Variants in CLEC20A observed in about 807,000 individuals in gnomAD.
CLEC20A encodes C-type lectin domain containing 20A.
At chr1:178,486,981 C>G (rs1360230507) in intron 5 of CLEC20A, 13 of 395,570 alleles carry the variant, frequency 3.3e-5, no homozygotes, top group Admixed American at 1.8e-4. Context: ...CGCGGGGCTC[C>G]GGGCTGCCCC....
At chr1:178,498,082 C>T (rs534945953), upstream of CLEC20A, among the ~76,000 whole-genome samples, 1 of 152,198 alleles carries the variant, frequency 6.6e-6, no homozygotes, top group Admixed American at 6.5e-5. Flanking sequence ...TTCACTGGCT[C>T]ACAGGGGAGA....
rs532812212 is a variant in CLEC20A at position 178,486,961 on chromosome 1, A to G, written c.928+1540T>C. ...GGAAGCGCGCGAGTAGGAGGTGCGG[A>G]GGTCGGGCTCGCGGGGCTCCGGGCT... is the stretch of plus-strand genomic sequence containing the variant. On this transcript the variant is annotated intron_variant, in intron 5 of 7. Coordinates refer to ENST00000623247, the Ensembl canonical transcript of CLEC20A. 1,085 of 396,564 alleles carry G rather than the reference A, an allele frequency of 2.7e-3. 6 individuals carry two copies. Among genetic ancestry groups the G allele is most frequent in the South Asian group, 0.011 (78 of 7,072 alleles). The allele number at this position is 396,564 out of a possible 1,614,324, so 24.6% of individuals were successfully genotyped here.
At chr1:178,494,621 G>A (rs1649342611) in exon 2 of CLEC20A, 2 of 399,332 alleles carry the variant, frequency 5.0e-6, no homozygotes, top group East Asian at 3.6e-5. Context: ...CAGGCCAGAA[G>A]TGCTTGCGTC....
chr1:178,495,145 A>C (rs1649356488), intron 1 of CLEC20A, among the ~76,000 whole-genome samples: 1 of 152,244 alleles, frequency 6.6e-6, no homozygotes, highest in African/African-American at 2.4e-5. Flanking sequence ...TACATGCTGC[A>C]GTGCACCTTT....
chr1:178,497,044 T>A, upstream of CLEC20A: 1 of 398,882 alleles, frequency 2.5e-6, no homozygotes, highest in Non-Finnish European at 4.4e-6. Flanking sequence ...TTCTGGCCTT[T>A]CATTCCTTGC....
intron 2 of CLEC20A, chr1:178,493,726 TC>T (rs1649323298): frequency 6.6e-6 from 1 of 152,220 alleles, no homozygotes; most frequent in South Asian, 2.1e-4. Context: ...GCCGCTCCCC[TC>T]CTGCCCAGTT....
chr1:178,482,090 C>CAAAA, intron 7 of CLEC20A: 13 of 365,860 alleles, frequency 3.6e-5, no homozygotes, highest in African/African-American at 2.1e-4. Context: ...AACAAAAAAA[C>CAAAA]AACAAAAAAA....
In CLEC20A at chr1:178,496,887, T is replaced by G. The variant is rs1649407092; in HGVS notation, c.40+13A>C. ...TGGAGCCAGGCACCCTCCTCCAGGT[T>G]GGGGGGCCTCACCTGCTGCGCAGAA... On this transcript the variant is annotated intron_variant, in intron 1 of 7. Transcript: ENST00000623247. 2.5e-6 allele frequency: 1 copy of G among 398,520 alleles called. No individual in the cohort carries two copies. The highest frequency in any genetic ancestry group is 1.3e-4 in the South Asian group (1 of 7,866). The allele number at this position is 398,520 out of a possible 1,614,324, so 24.7% of individuals were successfully genotyped here. A position where few individuals can be genotyped will look rare whatever the true frequency, so the allele number is the denominator to read the frequency against.
chr1:178,498,695 C>G (rs1306599776), upstream of CLEC20A, among the ~76,000 whole-genome samples: 1 of 152,232 alleles, frequency 6.6e-6, no homozygotes, highest in African/African-American at 2.4e-5. Flanking sequence ...CTCTCTCTCT[C>G]TACACAACAT....
intron 5 of CLEC20A, chr1:178,484,554 T>C (rs1419812196): frequency 6.6e-6 from 1 of 151,218 alleles, no homozygotes; most frequent in Non-Finnish European, 1.5e-5. Flanking sequence ...TGGTGGTGTA[T>C]GCATATAGTT....
rs898944454 is a variant in CLEC20A at position 178,492,495 on chromosome 1, A to G, written c.463+6T>C. ...CCAGAAAAGGGAATGGGGAGCAGGT[A>G]TGTACCTGGCTTTGGAGAGGTGGTC... On this transcript the variant is annotated splice_donor_region_variant and intron_variant, in intron 3 of 7. Coordinates refer to ENST00000623247, the Ensembl canonical transcript of CLEC20A. The G allele has an allele frequency of 2.5e-6, 1 of 398,558 alleles. No individual in the cohort carries two copies. Among genetic ancestry groups the G allele is most frequent in the Non-Finnish European group, 4.4e-6 (1 of 226,084 alleles). 24.7% of individuals were successfully genotyped at this position (398,558 alleles called of 1,614,324 possible).
upstream of CLEC20A, among the ~76,000 whole-genome samples, chr1:178,497,420 G>C (rs1467326828): frequency 1.3e-5 from 2 of 152,170 alleles, no homozygotes; most frequent in African/African-American, 4.8e-5. Flanking sequence ...ATCATCGTTT[G>C]ACTGTAGGTC....
chr1:178,497,904 C>A (rs1649438998), upstream of CLEC20A, among the ~76,000 whole-genome samples: 1 of 151,838 alleles, frequency 6.6e-6, no homozygotes, highest in African/African-American at 2.4e-5. Flanking sequence ...GAGGCTAGAC[C>A]CCTTGGGTCC....
intron 1 of CLEC20A, chr1:178,496,068 G>T (rs1246073910): frequency 6.6e-6 from 1 of 152,318 alleles, no homozygotes; most frequent in African/African-American, 2.4e-5. Flanking sequence ...CACCGTAGGG[G>T]AGGATGCTTC....
chr1:178,479,537 A>G (rs972283406), exon 8 of CLEC20A: 9 of 398,364 alleles, frequency 2.3e-5, no homozygotes, highest in Middle Eastern at 6.2e-4. Context: ...GAATTGTGCT[A>G]TTTTTTGTTC....
At chr1:178,492,946 G>C (rs1281051635) in intron 2 of CLEC20A, among the ~76,000 whole-genome samples, 1 of 152,218 alleles carries the variant, frequency 6.6e-6, no homozygotes. Flanking sequence ...GGGGAGGCGA[G>C]GCCTGATGGC....
chr1:178,486,715 G>A (rs1358997979), intron 5 of CLEC20A: 1 of 398,570 alleles, frequency 2.5e-6, no homozygotes, highest in Non-Finnish European at 4.4e-6. Context: ...AAGAGTCGCA[G>A]TTACTTCCTG....
intron 3 of CLEC20A, among the ~76,000 whole-genome samples, chr1:178,491,740 G>T (rs1649270428): frequency 6.6e-6 from 1 of 152,202 alleles, no homozygotes. Flanking sequence ...CTCTGTCATA[G>T]ATCTTCTCCA....
chr1:178,486,655 GC>G, intron 5 of CLEC20A: 1 of 398,738 alleles, frequency 2.5e-6, no homozygotes. Flanking sequence ...CCTGGGAGTA[GC>G]TGGGGCATCG....
Sources: gnomAD v4.1 joint callset for allele counts (sites outside exome capture counted in the v4.1 genomes callset) on GRCh38, gnomAD v4.1.1 for gene constraint, MANE v1.5 for transcripts, NCBI Gene and HGNC (gene_info 2026-07-23, HGNC 2026-07-21) for gene names.